The following TENM1 variants were observed in gnomAD, a reference collection of about 807,000 sequenced individuals.
TENM1 encodes teneurin-1.
A neutral mutation model predicts 174.8 loss-of-function variants in TENM1; 35 were observed. The ratio of observed to expected loss-of-function variants is 0.20; its 90% CI spans 0.15 to 0.27. The LOEUF (loss-of-function observed/expected upper bound fraction) is 0.27, where lower values mean the gene tolerates loss of function less well. TENM1 is among the 10% of genes least tolerant of loss of function. The pLI is 1.00. For missense variants in TENM1, 1,633 were observed against 2,130.1 expected (o/e 0.77, Z 4.59); for synonymous variants, 781 against 798.7 (o/e 0.98, Z 0.37).
At chrX:125,097,166 C>T in the TENM1 span, among the ~76,000 whole-genome samples, 6 of 111,474 alleles carry the variant, frequency 5.4e-5, no homozygotes, top group Admixed American at 5.7e-4. Flanking sequence ...CTACTGAAGA[C>T]CAGGTTTCTG....
chrX:125,039,444 G>A, the TENM1 span, among the ~76,000 whole-genome samples: 1 of 110,583 alleles, frequency 9.0e-6, no homozygotes, highest in East Asian at 2.9e-4. Flanking sequence ...AATCTCTACA[G>A]GTGGCCCCCA....
intron 15 of TENM1, among the ~76,000 whole-genome samples, chrX:124,532,224 T>C (rs1294053605): frequency 8.9e-6 from 1 of 112,040 alleles, no homozygotes; most frequent in Non-Finnish European, 1.9e-5. Context: ...TTTTATTTGC[T>C]CACATTAATC....
At chrX:125,194,523 C>A in the TENM1 span, among the ~76,000 whole-genome samples, 6 of 111,546 alleles carry the variant, frequency 5.4e-5, no homozygotes, top group African/African-American at 2.0e-4. Flanking sequence ...CACTTTAAAA[C>A]CCCTTATCTC....
chrX:125,028,836 G>A, the TENM1 span, among the ~76,000 whole-genome samples: 2 of 111,285 alleles, frequency 1.8e-5, no homozygotes, highest in Non-Finnish European at 3.8e-5. Flanking sequence ...GAATGGCATG[G>A]GGGGGACATA....
chrX:124,773,054 A>C (rs1222526576), intron 3 of TENM1, among the ~76,000 whole-genome samples: 1 of 111,967 alleles, frequency 8.9e-6, no homozygotes, highest in Admixed American at 9.5e-5. Flanking sequence ...ATTTCCTTGA[A>C]TCAAACGATG....
chrX:124,494,488 C>T (rs747785061), intron 20 of TENM1, among the ~76,000 whole-genome samples: 1 of 97,516 alleles, frequency 1.0e-5, no homozygotes, highest in Non-Finnish European at 2.0e-5. Flanking sequence ...TTGAAGCTTC[C>T]CTTTTCTTTT....
chrX:125,086,691 G>T, the TENM1 span, among the ~76,000 whole-genome samples: 1 of 110,006 alleles, frequency 9.1e-6, no homozygotes, highest in African/African-American at 3.3e-5. Context: ...ACATTAATAG[G>T]CCATTAAAAA....
chrX:124,943,536 G>A (rs1006283215), intron 1 of TENM1, among the ~76,000 whole-genome samples: 2 of 112,046 alleles, frequency 1.8e-5, no homozygotes, highest in South Asian at 3.6e-4. Flanking sequence ...TTTATAAAGC[G>A]GTGCTGCTGT....
the TENM1 span, among the ~76,000 whole-genome samples, chrX:125,125,653 C>T: frequency 1.3e-3 from 150 of 111,957 alleles, no homozygotes; most frequent in Non-Finnish European, 1.3e-3. Context: ...AGTGCTTTAA[C>T]CTTGCCCAGC....
At chrX:125,028,388 A>C in the TENM1 span, among the ~76,000 whole-genome samples, 1 of 112,345 alleles carries the variant, frequency 8.9e-6, no homozygotes, top group African/African-American at 3.2e-5. Flanking sequence ...ACAGTAAAAC[A>C]TACATAGAAA....
At chrX:124,959,579 A>C (rs1453140656) in intron 1 of TENM1, among the ~76,000 whole-genome samples, 1 of 110,929 alleles carries the variant, frequency 9.0e-6, no homozygotes, top group Non-Finnish European at 1.9e-5. Context: ...TCTACTTATA[A>C]CAACAGCCCA....
chrX:124,700,200 A>C (rs771402835), intron 5 of TENM1, among the ~76,000 whole-genome samples: 6 of 111,493 alleles, frequency 5.4e-5, no homozygotes, highest in Admixed American at 9.5e-5. Flanking sequence ...GATATTAGTA[A>C]AATAAAGGCA....
chrX:124,904,434 C>A (rs1004581743), intron 1 of TENM1, among the ~76,000 whole-genome samples: 3 of 111,930 alleles, frequency 2.7e-5, no homozygotes, highest in African/African-American at 9.7e-5. Context: ...TAACATGGAA[C>A]CACTCTTGAA....
the TENM1 span, among the ~76,000 whole-genome samples, chrX:125,197,580 AT>A: frequency 9.0e-6 from 1 of 111,458 alleles, no homozygotes; most frequent in African/African-American, 3.3e-5. Context: ...AATTGTCCCA[AT>A]TTTTTTAAGT....
intron 1 of TENM1, among the ~76,000 whole-genome samples, chrX:124,941,906 T>G (rs1036355962): frequency 8.9e-6 from 1 of 111,870 alleles, no homozygotes; most frequent in Non-Finnish European, 1.9e-5. Flanking sequence ...ATGTCTTACA[T>G]GGCAGCAGGC....
chrX:125,158,041 G>A, the TENM1 span, among the ~76,000 whole-genome samples: 139 of 111,017 alleles, frequency 1.3e-3, no homozygotes, highest in African/African-American at 4.4e-3. Context: ...AATTTATGGC[G>A]GAGAAGGAAT....
chrX:124,744,907 A>G (rs753438959), intron 3 of TENM1, among the ~76,000 whole-genome samples: 1 of 112,139 alleles, frequency 8.9e-6, no homozygotes, highest in Non-Finnish European at 1.9e-5. Context: ...TGTTATTTAT[A>G]AAGATAGAAC....
chrX:124,379,816 G>A (rs1474571320), exon 32 of TENM1: 6 of 111,735 alleles, frequency 5.4e-5, no homozygotes, highest in South Asian at 7.5e-4. Flanking sequence ...AAAACAGGTC[G>A]TGTGAGAGAG....
chrX:124,476,732 T>C (rs969572632), intron 22 of TENM1, among the ~76,000 whole-genome samples: 2 of 112,469 alleles, frequency 1.8e-5, no homozygotes, highest in African/African-American at 6.5e-5. Flanking sequence ...CACATTCTGC[T>C]TAAGTACTTG....
Sources: gnomAD v4.1 joint callset for allele counts (sites outside exome capture counted in the v4.1 genomes callset) on GRCh38, gnomAD v4.1.1 for gene constraint, MANE v1.5 for transcripts, NCBI Gene and HGNC (gene_info 2026-07-23, HGNC 2026-07-21) for gene names.